Variants in LMNTD1 observed in about 807,000 individuals in gnomAD.
LMNTD1 encodes lamin tail domain-containing protein 1.
In LMNTD1, 35 loss-of-function variants were observed where a neutral mutation model predicts 50.9. The ratio of observed to expected loss-of-function variants is 0.69; its 90% confidence interval spans 0.53 to 0.91. The LOEUF (loss-of-function observed/expected upper bound fraction) is 0.91, where lower values mean the gene tolerates loss of function less well. LMNTD1 is among the 40% of genes least tolerant of loss of function. LMNTD1 has a pLI of 0.00. For missense variants in LMNTD1, 470 were observed against 475.5 expected (o/e 0.99, Z 0.11); for synonymous variants, 153 against 161.9 (o/e 0.94, Z 0.42).
intron 1 of LMNTD1, among the ~76,000 whole-genome samples, chr12:25,641,578 G>A (rs899763302): frequency 1.3e-5 from 2 of 152,126 alleles, no homozygotes; most frequent in African/African-American, 4.8e-5. Flanking sequence ...TCAATAAATG[G>A]AAGTTATGAT....
At chr12:25,578,077 G>T (rs1436057162) in intron 1 of LMNTD1, among the ~76,000 whole-genome samples, 1 of 152,062 alleles carries the variant, frequency 6.6e-6, no homozygotes, top group Non-Finnish European at 1.5e-5. Context: ...CTCCCATTTT[G>T]CAGAACACAA....
chr12:25,503,921 C>A, intron 8 of LMNTD1, 121 bp from the exon 9 acceptor site: 1 of 558,314 alleles, frequency 1.8e-6, no homozygotes, highest in Non-Finnish European at 3.1e-6. Flanking sequence ...AATAAGCTAA[C>A]AACAAAAGGA....
intron 8 of LMNTD1, among the ~76,000 whole-genome samples, chr12:25,513,685 C>T (rs1940503699): frequency 6.6e-6 from 1 of 152,028 alleles, no homozygotes; most frequent in South Asian, 2.1e-4. Context: ...AGACTACAAG[C>T]TATCAAAACT....
intron 4 of LMNTD1, among the ~76,000 whole-genome samples, chr12:25,539,005 A>G (rs1161483086): frequency 6.6e-6 from 1 of 151,418 alleles, no homozygotes; most frequent in Non-Finnish European, 1.5e-5. Context: ...AATGGGATCA[A>G]TTCAACAAGA....
At chr12:25,553,966 A>G (rs1943920750), upstream of LMNTD1, among the ~76,000 whole-genome samples, 1 of 152,220 alleles carries the variant, frequency 6.6e-6, no homozygotes. Context: ...TAATACTAAA[A>G]TATCTTCTAA....
intron 1 of LMNTD1, among the ~76,000 whole-genome samples, chr12:25,630,908 A>G (rs1349570411): frequency 1.3e-5 from 2 of 152,168 alleles, no homozygotes; most frequent in East Asian, 3.9e-4. Flanking sequence ...CGCAGCTGGG[A>G]GGCGGGTAGC....
upstream of LMNTD1, chr12:25,557,223 G>A (rs949789930): frequency 6.6e-6 from 1 of 152,184 alleles, no homozygotes; most frequent in Non-Finnish European, 1.5e-5. Flanking sequence ...CTCAGACACA[G>A]ATGCTATTAT....
intron 9 of LMNTD1, among the ~76,000 whole-genome samples, chr12:25,487,819 G>A (rs1938712122): frequency 1.3e-5 from 1 of 79,328 alleles, no homozygotes. Context: ...AGCTTTTAGG[G>A]CAGGCCTGGT....
intron 1 of LMNTD1, among the ~76,000 whole-genome samples, chr12:25,645,304 C>T (rs943174082): frequency 2.0e-5 from 3 of 151,988 alleles, no homozygotes; most frequent in Non-Finnish European, 4.4e-5. Flanking sequence ...AGCAAGGTTT[C>T]GAGAGTAGTG....
At chr12:25,546,905 T>C (rs998580224) in intron 3 of LMNTD1, among the ~76,000 whole-genome samples, 3 of 151,712 alleles carry the variant, frequency 2.0e-5, no homozygotes, top group African/African-American at 7.2e-5. Flanking sequence ...AATTTAGATA[T>C]GTTACATATA....
intron 1 of LMNTD1, chr12:25,593,049 C>G (rs947458246): frequency 1.3e-5 from 2 of 150,590 alleles, no homozygotes; most frequent in Non-Finnish European, 3.0e-5. Context: ...CCCCACCCCC[C>G]ACAGCAGCTG....
chr12:25,559,477 G>A (rs1399978475), intron 1 of LMNTD1, among the ~76,000 whole-genome samples: 2 of 152,142 alleles, frequency 1.3e-5, no homozygotes, highest in Non-Finnish European at 2.9e-5. Flanking sequence ...CCAACTCTTT[G>A]CTATTGTGAA....
intron 3 of LMNTD1, among the ~76,000 whole-genome samples, chr12:25,548,051 C>A (rs1012729065): frequency 1.7e-4 from 26 of 151,716 alleles, no homozygotes; most frequent in African/African-American, 6.3e-4. Context: ...GATAGAAAAT[C>A]TTTTCTTCCC....
At chr12:25,500,885 G>T (rs528069916) in intron 9 of LMNTD1, among the ~76,000 whole-genome samples, 10 of 152,314 alleles carry the variant, frequency 6.6e-5, no homozygotes, top group African/African-American at 2.2e-4. Context: ...GAGCATTTGA[G>T]AGCCTGACTC....
At chr12:25,522,802 A>G (rs1234360666) in intron 6 of LMNTD1, among the ~76,000 whole-genome samples, 1 of 152,194 alleles carries the variant, frequency 6.6e-6, no homozygotes, top group Non-Finnish European at 1.5e-5. Flanking sequence ...CCATAGACTC[A>G]TGGAATCTTA....
intron 1 of LMNTD1, chr12:25,648,473 C>T: frequency 6.5e-7 from 1 of 1,547,276 alleles, no homozygotes; most frequent in Non-Finnish European, 8.7e-7. Flanking sequence ...GGGGAAAATC[C>T]AGCATTCATT....
At chr12:25,519,835 C>G in intron 7 of LMNTD1, 23 bp downstream of exon 7, 3 of 1,552,374 alleles carry the variant, frequency 1.9e-6, no homozygotes, top group Non-Finnish European at 2.7e-6. Flanking sequence ...CCCATTAAAA[C>G]AAACAAACCA....
intron 1 of LMNTD1, among the ~76,000 whole-genome samples, chr12:25,645,102 T>G (rs1451998819): frequency 6.6e-6 from 1 of 152,146 alleles, no homozygotes; most frequent in Non-Finnish European, 1.5e-5. Flanking sequence ...GGCCTGAGAT[T>G]GCAAATTTAA....
intron 1 of LMNTD1, among the ~76,000 whole-genome samples, chr12:25,578,097 G>A (rs2059135706): frequency 6.6e-6 from 1 of 152,136 alleles, no homozygotes; most frequent in African/African-American, 2.4e-5. Context: ...ACAGGAAGCA[G>A]CTCATTCATC....
Sources: allele counts gnomAD v4.1 joint callset (sites outside exome capture counted in the v4.1 genomes callset), GRCh38; gene constraint gnomAD v4.1.1; transcripts MANE v1.5; gene names NCBI Gene and HGNC (gene_info 2026-07-23, HGNC 2026-07-21).